Variants in ZNF219 observed in about 807,000 individuals in gnomAD.
ZNF219 encodes the protein zinc finger protein 219.
A neutral mutation model predicts 54.4 loss-of-function variants in ZNF219; 17 were observed. The observed-to-expected ratio is 0.31, with a 90% CI of 0.21 to 0.47. ZNF219 has a LOEUF of 0.47. ZNF219 is among the 20% of genes least tolerant of loss of function. The pLI, the probability that ZNF219 is intolerant of heterozygous loss-of-function variation, is 1.00. For missense variants in ZNF219, 1,014 were observed against 1,062.3 expected (o/e 0.95, Z 0.63); for synonymous variants, 518 against 476.4 (o/e 1.09, Z -1.14).
At chr14:21,102,043 C>T (rs1421707754), upstream of ZNF219, 9 of 1,551,070 alleles carry the variant, frequency 5.8e-6, no homozygotes, top group Middle Eastern at 3.3e-4. Context: ...GAGCTCAACA[C>T]TTGCCCTTCT....
upstream of ZNF219, among the ~76,000 whole-genome samples, chr14:21,100,273 G>A (rs954285648): frequency 6.6e-6 from 1 of 152,116 alleles, no homozygotes; most frequent in Admixed American, 6.5e-5. Context: ...GACTGAGGCA[G>A]GATGATTATT....
rs760894785 is a variant in ZNF219, at chr14:21,093,204, G to A, written c.93C>T (p.Asn31=). 8.7e-6 allele frequency: 14 copies of A among 1,606,818 alleles called. No homozygotes were observed. The South Asian group carries it at 1.5e-4, about 18-fold the overall frequency. Residue 31 remains asparagine (N), a synonymous_variant, in exon 3 of 5, where the codon AAC becomes AAT. Coordinates refer to ENST00000360947, the MANE Select transcript of ZNF219 (RefSeq NM_016423.3). ...GCGACCCTGCGCTCACGGCTGGCCC[G>A]TTGGAGTATCGCTGCAGATCCAGCT... ...DGELDLQRYS[N]GPAVSAGSLG...
Position 21,093,006 on chromosome 14 carries a change from C to G in ZNF219, c.291G>C (p.Arg97=), listed in dbSNP as rs61749060. Residue 97 remains arginine, a synonymous_variant, in exon 3 of 5, where the codon CGG becomes CGC. Transcript: ENST00000360947. ...CPHCGHRAAQ[R]ALLRSHLRTH... Reference sequence around the variant, plus strand: ...TGCGCAGGTGCGAGCGCAGCAGAGCCCGCTGCGCCGCGCGGTGGCCGCAGT... The same window carrying G: ...TGCGCAGGTGCGAGCGCAGCAGAGCGCGCTGCGCCGCGCGGTGGCCGCAGT... 1.9e-6 allele frequency: 3 copies of G among 1,598,244 alleles called. No individual in the cohort carries two copies. Among genetic ancestry groups the G allele is most frequent in the East Asian group, 2.2e-5 (1 of 44,536 alleles).
upstream of ZNF219, chr14:21,103,488 A>G: frequency 1.7e-6 from 1 of 579,676 alleles, no homozygotes; most frequent in Non-Finnish European, 2.9e-6. Flanking sequence ...TCTTCCTGTC[A>G]CCTCCCCATA....
chr14:21,099,006 G>A (rs528390137), upstream of ZNF219: 69 of 383,154 alleles, frequency 1.8e-4, 1 homozygote, highest in South Asian at 1.8e-3. Flanking sequence ...GGTCCTTTCC[G>A]TTCTTGATAA....
chr14:21,100,001 A>G (rs969797793), upstream of ZNF219, among the ~76,000 whole-genome samples: 1 of 152,042 alleles, frequency 6.6e-6, no homozygotes, highest in Non-Finnish European at 1.5e-5. Context: ...TGAATCAACA[A>G]CTCTTCACAG....
At chr14:21,097,836 C>T (rs1381725322) in intron 1 of ZNF219, among the ~76,000 whole-genome samples, 4 of 151,942 alleles carry the variant, frequency 2.6e-5, no homozygotes, top group Admixed American at 1.3e-4. Context: ...CCCCCGCCAC[C>T]CCGTGCTTCC....
At chr14:21,103,047 T>C, upstream of ZNF219, 3 of 1,539,714 alleles carry the variant, frequency 1.9e-6, no homozygotes, top group East Asian at 2.4e-5. Context: ...GGAAACAGGA[T>C]AGAAAATTGG....
chr14:21,097,790 G>A (rs1331582112), intron 1 of ZNF219, among the ~76,000 whole-genome samples: 1 of 152,120 alleles, frequency 6.6e-6, no homozygotes, highest in African/African-American at 2.4e-5. Flanking sequence ...CTTTGTTTGG[G>A]ACGCAAAGAG....
Position 21,090,353 on chromosome 14 carries a change from C to CT in ZNF219, c.*182dup, listed in dbSNP as rs1209911471. 2 of 803,976 alleles carry CT rather than the reference C, an allele frequency of 2.5e-6. No homozygotes were observed. Among genetic ancestry groups the CT allele is most frequent in the Non-Finnish European group, 4.1e-6 (2 of 489,402 alleles). The allele number at this position is 803,976 out of a possible 1,614,324, so 49.8% of individuals were successfully genotyped here. A position where few individuals can be genotyped will look rare whatever the true frequency, so the allele number is the denominator to read the frequency against. On this transcript the variant is annotated 3_prime_UTR_variant, in exon 5 of 5. Transcript: ENST00000360947. The surrounding 1 kb of genome is among the most constrained non-coding windows in gnomAD (Gnocchi z 4.4). Reference sequence around the variant, plus strand: ...GCCACTTCTAAGGCACTGTGACTCCCTTGGGCTGGGTGGGTACCGCCAGCC... The same window carrying CT: ...GCCACTTCTAAGGCACTGTGACTCCCTTTGGGCTGGGTGGGTACCGCCAGCC...
upstream of ZNF219, chr14:21,098,847 A>G: frequency 7.8e-7 from 1 of 1,287,758 alleles, no homozygotes; most frequent in Non-Finnish European, 1.0e-6. Context: ...TTTCTGCCCC[A>G]ACATGCACAG....
upstream of ZNF219, chr14:21,101,073 A>G: frequency 3.0e-6 from 1 of 333,912 alleles, no homozygotes; most frequent in South Asian, 3.1e-5. Flanking sequence ...CCCATCCCTG[A>G]CAGCCTTCCT....
In ZNF219 at chr14:21,091,551, CAT is replaced by C; in HGVS notation, c.1433-11_1433-10del. The C allele has an allele frequency of 6.3e-7, 1 of 1,591,592 alleles. No homozygotes were observed. Among genetic ancestry groups the C allele is most frequent in the Non-Finnish European group, 8.6e-7 (1 of 1,162,464 alleles). ...CAACAGCCCATTCTCTTCTGCAACA[CAT>C]ACGTTAAGAGGAAGTCAGGGGGGCC... On this transcript the variant is annotated splice_polypyrimidine_tract_variant and intron_variant, in intron 3 of 4. Coordinates refer to ENST00000360947, the MANE Select transcript of ZNF219 (RefSeq NM_016423.3).
Position 21,090,429 on chromosome 14 carries a change from G to A in ZNF219, c.*107C>T. Reference sequence around the variant, plus strand: ...CCACCTCTGGTCCGCCTGGGGCTGGGATATGGGTCCCACGCTGCCCCCTGC... The same window carrying A: ...CCACCTCTGGTCCGCCTGGGGCTGGAATATGGGTCCCACGCTGCCCCCTGC... On this transcript the variant is annotated 3_prime_UTR_variant, in exon 5 of 5. Transcript: ENST00000360947. The surrounding 1 kb of genome is among the most constrained non-coding windows in gnomAD (Gnocchi z 4.4). The A allele has an allele frequency of 7.1e-7, 1 of 1,418,286 alleles. No homozygotes were observed. The allele number at this position is 1,418,286 out of a possible 1,614,324, so 87.9% of individuals were successfully genotyped here.
chr14:21,094,078 C>A (rs554068061), intron 1 of ZNF219, among the ~76,000 whole-genome samples: 1 of 152,304 alleles, frequency 6.6e-6, no homozygotes, highest in African/African-American at 2.4e-5. Flanking sequence ...AGATCCCTAA[C>A]TGAGCAGCCA....
At chr14:21,091,647 A>G in intron 3 of ZNF219, 105 bp from the exon 4 acceptor site, 1 of 1,494,888 alleles carries the variant, frequency 6.7e-7, no homozygotes, top group Non-Finnish European at 8.9e-7. Context: ...CTCGGGGTCC[A>G]GGAGGAAACA....
In ZNF219 at chr14:21,093,165, C is replaced by T; in HGVS notation, c.132G>A (p.Ala44=). ...CTGCACGACTCTCAGACCAGCTCACCGCTCCCATCCCGAGCGACCCTGCGC... is the reference window on the plus strand; with the variant it reads ...CTGCACGACTCTCAGACCAGCTCACTGCTCCCATCCCGAGCGACCCTGCGC... The part of the protein sequence containing the change: ...AVSAGSLGMG[A]VSWSESRAGE... The change falls in exon 3 of 5, where the codon GCG becomes GCA. Residue 44 remains alanine (A), a synonymous_variant. Coordinates refer to ENST00000360947, the MANE Select transcript of ZNF219 (RefSeq NM_016423.3). The T allele has an allele frequency of 6.2e-7, 1 of 1,609,936 alleles. No homozygotes were observed. The highest frequency in any genetic ancestry group is 8.5e-7 in the Non-Finnish European group (1 of 1,179,274).
upstream of ZNF219, chr14:21,101,808 C>G (rs896764539): frequency 4.3e-6 from 6 of 1,397,898 alleles, no homozygotes; most frequent in South Asian, 1.3e-5. Context: ...GTAGGAGTTA[C>G]GAGAAGGGAG....
In ZNF219 at chr14:21,090,776, AC is replaced by A; in HGVS notation, c.1928del (p.Gly643ValfsTer105). On this transcript the variant is annotated frameshift_variant, in exon 5 of 5. Transcript: ENST00000360947. LOFTEE classifies it high-confidence loss of function. This position sits in a 1 kb window ranked among gnomAD's most constrained non-coding sequence, Gnocchi z 4.4. Reference sequence around the variant, plus strand: ...GGCAGAAGAGGCAGCGGTGGAGGGCACCCCCAGGCCCGGCCTCGCCTCCCGG... The same window carrying A: ...GGCAGAAGAGGCAGCGGTGGAGGGCACCCCAGGCCCGGCCTCGCCTCCCGG... The part of the protein sequence containing the change: ...AGPGGEAGPG[G>X]ALHRCLFCPF... 1 of 1,598,080 alleles carries A rather than the reference AC, an allele frequency of 6.3e-7. No homozygotes were observed. Among genetic ancestry groups the A allele is most frequent in the Non-Finnish European group, 8.5e-7 (1 of 1,173,304 alleles).
Sources: gnomAD v4.1 joint callset for allele counts (sites outside exome capture counted in the v4.1 genomes callset) on GRCh38, gnomAD v4.1.1 for gene constraint, Gnocchi (gnomAD v3.1) non-coding constraint, MANE v1.5 for transcripts, NCBI Gene and HGNC (gene_info 2026-07-23, HGNC 2026-07-21) for gene names.